PTPRD: variants seen among roughly 807,000 people sequenced by gnomAD.
The protein encoded by PTPRD is protein tyrosine phosphatase receptor type D, also known as receptor-type tyrosine-protein phosphatase delta.
A neutral mutation model predicts 214.5 loss-of-function variants in PTPRD; 34 were observed. The ratio of observed to expected loss-of-function variants is 0.16; its 90% confidence interval spans 0.12 to 0.21. The LOEUF (loss-of-function observed/expected upper bound fraction) is 0.21, where lower values mean the gene tolerates loss of function less well. Among genes scored for constraint, PTPRD ranks in the 10% least tolerant of loss-of-function variants. The pLI, the probability that PTPRD is intolerant of heterozygous loss-of-function variation, is 1.00. For missense variants in PTPRD, 2,545 were observed against 2,398.7 expected (o/e 1.06, Z -1.27); for synonymous variants, 1,128 against 845.7 (o/e 1.33, Z -5.79).
chr9:9,998,690 C>G (rs190146277), intron 4 of PTPRD, among the ~76,000 whole-genome samples: 1 of 152,078 alleles, frequency 6.6e-6, no homozygotes, highest in Non-Finnish European at 1.5e-5. Flanking sequence ...AAGAAGTACA[C>G]AAGGCAAGAT....
At chr9:10,113,691 C>T (rs1057226841) in intron 3 of PTPRD, among the ~76,000 whole-genome samples, 1 of 152,056 alleles carries the variant, frequency 6.6e-6, no homozygotes, top group African/African-American at 2.4e-5. Flanking sequence ...TTGGCAAACA[C>T]CAAATGGGGT....
intron 12 of PTPRD, among the ~76,000 whole-genome samples, chr9:8,673,306 T>C (rs980266463): frequency 8.5e-5 from 13 of 152,216 alleles, no homozygotes; most frequent in Admixed American, 2.0e-4. Flanking sequence ...CTTTCTCATG[T>C]TGTCACCTAT....
At chr9:9,076,583 A>AAT in intron 10 of PTPRD, among the ~76,000 whole-genome samples, 2 of 152,192 alleles carry the variant, frequency 1.3e-5, no homozygotes, top group South Asian at 4.1e-4. Context: ...TATTTCACAT[A>AAT]ATATAATGTC....
At chr9:9,927,169 T>C (rs1289889421) in intron 5 of PTPRD, among the ~76,000 whole-genome samples, 1 of 152,184 alleles carries the variant, frequency 6.6e-6, no homozygotes, top group Non-Finnish European at 1.5e-5. Context: ...TTAGAATATT[T>C]AAAAGCATTT....
intron 2 of PTPRD, among the ~76,000 whole-genome samples, chr9:10,588,021 G>C (rs1177000288): frequency 1.3e-5 from 2 of 152,008 alleles, no homozygotes; most frequent in African/African-American, 4.8e-5. Flanking sequence ...GTACCAAGTA[G>C]CTAATTGATC....
chr9:8,584,034 G>A (rs2093423744), intron 14 of PTPRD, among the ~76,000 whole-genome samples: 1 of 152,066 alleles, frequency 6.6e-6, no homozygotes, highest in Non-Finnish European at 1.5e-5. Context: ...TGTACTTGTA[G>A]TCTCTGCTAC....
At chr9:10,494,341 T>C (rs573447546) in intron 2 of PTPRD, among the ~76,000 whole-genome samples, 1 of 151,998 alleles carries the variant, frequency 6.6e-6, no homozygotes, top group Non-Finnish European at 1.5e-5. Flanking sequence ...GATTTTCTTC[T>C]GATAAATATA....
chr9:10,604,029 A>G (rs537257198), intron 2 of PTPRD, among the ~76,000 whole-genome samples: 13 of 151,934 alleles, frequency 8.6e-5, no homozygotes, highest in Non-Finnish European at 1.6e-4. Context: ...CAACATAGTC[A>G]TTCCTGTGTG....
rs77833403 is a variant in PTPRD at position 8,639,595 on chromosome 9, C to T, written c.65-2751G>A. ...TAAAGAAAACTAGAAGTAGGATACC[C>T]TTTTCCCTGCATCTGGATATTTTTT... On this transcript the variant is annotated intron_variant, in intron 12 of 45. Coordinates refer to ENST00000381196, the MANE Select transcript of PTPRD (RefSeq NM_002839.4). Among the ~76,000 whole-genome samples, 166 of 152,280 alleles carry T rather than the reference C, an allele frequency of 1.1e-3. 4 individuals are homozygous for T. In the East Asian group the frequency reaches 0.031, roughly 28 times the overall value.
chr9:9,706,678 G>C (rs1432966055), intron 7 of PTPRD, among the ~76,000 whole-genome samples: 1 of 152,018 alleles, frequency 6.6e-6, no homozygotes, highest in African/African-American at 2.4e-5. Context: ...GACCTCAGGT[G>C]ATCCGTCTGC....
At chr9:9,315,918 C>A (rs1040282832) in intron 9 of PTPRD, among the ~76,000 whole-genome samples, 3 of 141,362 alleles carry the variant, frequency 2.1e-5, no homozygotes, top group Non-Finnish European at 3.0e-5. Context: ...GCTTTTCTTG[C>A]GAATTTTCTC....
At chr9:9,646,340 T>TGG (rs2096172969) in intron 7 of PTPRD, among the ~76,000 whole-genome samples, 3 of 145,170 alleles carry the variant, frequency 2.1e-5, no homozygotes, top group African/African-American at 7.8e-5. Flanking sequence ...TGTGTGTGTG[T>TGG]GTGGGTGTGT....
At chr9:9,008,890 G>T (rs1242981345) in intron 11 of PTPRD, among the ~76,000 whole-genome samples, 1 of 152,000 alleles carries the variant, frequency 6.6e-6, no homozygotes, top group Non-Finnish European at 1.5e-5. Flanking sequence ...TAAAGCATAA[G>T]GACAATTTTG....
rs58519088 is a variant in PTPRD at position 10,166,498 on chromosome 9, G to A, written c.-544-132708C>T. Among the ~76,000 whole-genome samples the A allele has an allele frequency of 7.2e-4, 109 of 151,912 alleles. 1 individual carries two copies. In the East Asian group the frequency reaches 0.019, roughly 26 times the overall value. ...AGTCATCAGGTGCAATTCATCAACC[G>A]CACAACCCTTTGTGTTCTATTTTTG... On this transcript the variant is annotated intron_variant, in intron 3 of 45. Transcript: ENST00000381196.
At chr9:10,425,822 T>C (rs938433285) in intron 2 of PTPRD, among the ~76,000 whole-genome samples, 20 of 152,078 alleles carry the variant, frequency 1.3e-4, no homozygotes, top group African/African-American at 3.9e-4. Flanking sequence ...TCAATTATTA[T>C]AAAATATATT....
At chr9:10,379,106 T>G (rs1407924) in intron 2 of PTPRD, among the ~76,000 whole-genome samples, 7,319 of 151,958 alleles carry the variant, frequency 0.048, 260 homozygotes, top group South Asian at 0.14. Context: ...TTTAAATTTC[T>G]TTTTTCAGAT....
intron 7 of PTPRD, among the ~76,000 whole-genome samples, chr9:9,706,042 G>A (rs944693164): frequency 1.3e-5 from 2 of 152,080 alleles, no homozygotes; most frequent in Admixed American, 1.3e-4. Context: ...AATTAATCAT[G>A]AGGATGAAGT....
At chr9:9,185,771 T>C (rs180718054) in intron 9 of PTPRD, among the ~76,000 whole-genome samples, 1 of 152,214 alleles carries the variant, frequency 6.6e-6, no homozygotes, top group African/African-American at 2.4e-5. Context: ...AATGTCTATA[T>C]ATTAATAAAG....
At chr9:8,911,056 A>C (rs2098743414) in intron 11 of PTPRD, among the ~76,000 whole-genome samples, 1 of 152,238 alleles carries the variant, frequency 6.6e-6, no homozygotes. Context: ...AATCTGAATC[A>C]AAATGCTGGC....
Sources: allele counts gnomAD v4.1 joint callset (sites outside exome capture counted in the v4.1 genomes callset), GRCh38; gene constraint gnomAD v4.1.1; transcripts MANE v1.5; gene names NCBI Gene and HGNC (gene_info 2026-07-23, HGNC 2026-07-21).